Variants in ROBO2 observed in about 807,000 individuals in gnomAD.
ROBO2 encodes the protein roundabout homolog 2.
A neutral mutation model predicts 160.8 loss-of-function variants in ROBO2; 53 were observed. The observed-to-expected ratio is 0.33, with a 90% CI of 0.26 to 0.41. ROBO2 has a LOEUF of 0.41. Among genes scored for constraint, ROBO2 ranks in the 10% least tolerant of loss-of-function variants. The pLI, the probability that ROBO2 is intolerant of heterozygous loss-of-function variation, is 1.00. For missense variants in ROBO2, 1,577 were observed against 1,722.4 expected (o/e 0.92, Z 1.49); for synonymous variants, 664 against 611.7 (o/e 1.09, Z -1.26).
intron 1 of ROBO2, among the ~76,000 whole-genome samples, chr3:77,088,111 CTT>C (rs1246390286): frequency 6.6e-6 from 1 of 152,080 alleles, no homozygotes; most frequent in East Asian, 1.9e-4. Flanking sequence ...GTGATTAAGA[CTT>C]AGCTGATAAA....
intron 2 of ROBO2, among the ~76,000 whole-genome samples, chr3:76,162,385 C>A (rs1466380669): frequency 6.6e-6 from 1 of 152,116 alleles, no homozygotes; most frequent in Non-Finnish European, 1.5e-5. Flanking sequence ...TCATAGCCCA[C>A]TATAGGATCA....
intron 2 of ROBO2, among the ~76,000 whole-genome samples, chr3:76,880,858 A>C (rs142575334): frequency 6.6e-6 from 1 of 152,202 alleles, no homozygotes; most frequent in African/African-American, 2.4e-5. Context: ...ACTTTGTGAT[A>C]CTTTATTAAC....
chr3:76,189,045 A>G (rs181218937), intron 2 of ROBO2, among the ~76,000 whole-genome samples: 47 of 152,218 alleles, frequency 3.1e-4, no homozygotes, highest in Admixed American at 1.2e-3. Context: ...GATATGGTAG[A>G]AAACACATCA....
At chr3:76,808,724 A>C (rs2108956993) in intron 2 of ROBO2, among the ~76,000 whole-genome samples, 1 of 152,284 alleles carries the variant, frequency 6.6e-6, no homozygotes, top group Non-Finnish European at 1.5e-5. Context: ...AGAGAGCAGT[A>C]AATCAATGAC....
chr3:75,969,289 C>T (rs1196156771), intron 2 of ROBO2, among the ~76,000 whole-genome samples: 1 of 151,194 alleles, frequency 6.6e-6, no homozygotes, highest in East Asian at 2.0e-4. Context: ...ACAGATATAT[C>T]TTTCGTATAC....
At chr3:77,065,939 C>G (rs549760863) in intron 1 of ROBO2, among the ~76,000 whole-genome samples, 39 of 152,164 alleles carry the variant, frequency 2.6e-4, no homozygotes, top group African/African-American at 8.7e-4. Flanking sequence ...GCAAAATTGG[C>G]GTAATTGGCA....
At chr3:77,626,783 C>A (rs1265011397) in intron 23 of ROBO2, among the ~76,000 whole-genome samples, 1 of 152,136 alleles carries the variant, frequency 6.6e-6, no homozygotes, top group East Asian at 1.9e-4. Context: ...TTCAGTGAAA[C>A]AAGTAAAAAG....
rs1375302465 is a variant in ROBO2 at position 77,634,933 on chromosome 3, C to A, written c.3824C>A (p.Thr1275Asn). Residue 1275 changes from threonine to asparagine, a missense_variant, in exon 24 of 26, where the codon ACC (threonine) becomes AAC (asparagine). By Grantham distance (65) the Thr-to-Asn change is moderately conservative. Coordinates refer to ENST00000461745, the Ensembl canonical transcript of ROBO2. ...AGCCCATTTTCTACTGACAGTAACA[C>A]CAGTGCAGCCCTGAGTCAAAGTCAG... 17 of 1,614,006 alleles carry A rather than the reference C, an allele frequency of 1.1e-5. No homozygotes were observed. Among genetic ancestry groups the A allele is most frequent in the African/African-American group, 2.7e-5 (2 of 74,908 alleles).
intron 2 of ROBO2, among the ~76,000 whole-genome samples, chr3:76,308,589 TC>T (rs1418472603): frequency 6.6e-6 from 1 of 152,132 alleles, no homozygotes; most frequent in Non-Finnish European, 1.5e-5. Flanking sequence ...GGACTGCCTC[TC>T]CTCTTAGTCT....
At chr3:75,994,103 T>A (rs553326190) in intron 2 of ROBO2, among the ~76,000 whole-genome samples, 1 of 152,262 alleles carries the variant, frequency 6.6e-6, no homozygotes, top group East Asian at 1.9e-4. Context: ...AGTATAGGGC[T>A]CTGTGGGACT....
Position 77,503,523 on chromosome 3 carries a change from C to CTAAATAAA in ROBO2, c.806+10174_806+10181dup, listed in dbSNP as rs567091666. ...TGGGCCACAGAGAGAGAGTCCGTCT[C>CTAAATAAA]TAAATAAATAAATAAATAAATAAAT... On this transcript the variant is annotated intron_variant, in intron 5 of 25. Coordinates refer to ENST00000461745, the Ensembl canonical transcript of ROBO2. 1.7e-3 allele frequency among the ~76,000 whole-genome samples: 242 copies of CTAAATAAA among 144,552 alleles called. 1 individual carries two copies. The highest frequency in any genetic ancestry group is 4.2e-3 in the Admixed American group (60 of 14,412). The allele number at this position is 144,552 out of a possible 152,430, so 94.8% of individuals were successfully genotyped here. A position where few individuals can be genotyped will look rare whatever the true frequency, so the allele number is the denominator to read the frequency against.
At chr3:76,816,918 G>T (rs1175944732) in intron 2 of ROBO2, among the ~76,000 whole-genome samples, 2 of 152,228 alleles carry the variant, frequency 1.3e-5, no homozygotes, top group Non-Finnish European at 2.9e-5. Flanking sequence ...CATGTCATTT[G>T]CAGGGACATG....
At position 77,077,627 on chromosome 3, in the gene ROBO2, G is replaced by A. The variant is rs139589242; in HGVS notation, c.62-20387G>A. On this transcript the variant is annotated intron_variant, in intron 1 of 25. Transcript: ENST00000461745. ...AAAATGGAAGCTGGGACCTTGGTCC[G>A]TCGTCAACTGGACTCTCCAGTCTTG... Among the ~76,000 whole-genome samples the A allele has an allele frequency of 2.1e-3, 321 of 152,296 alleles. 1 individual carries two copies. Among genetic ancestry groups the A allele is most frequent in the African/African-American group, 7.6e-3 (314 of 41,558 alleles).
chr3:77,183,571 C>T (rs2081001408), intron 2 of ROBO2, among the ~76,000 whole-genome samples: 1 of 151,966 alleles, frequency 6.6e-6, no homozygotes, highest in South Asian at 2.1e-4. Flanking sequence ...TTAGAAAGAA[C>T]CAACCCTGCT....
chr3:77,444,071 C>T (rs1447067692), intron 2 of ROBO2, among the ~76,000 whole-genome samples: 1 of 152,104 alleles, frequency 6.6e-6, no homozygotes, highest in Non-Finnish European at 1.5e-5. Context: ...TTGTCCATGC[C>T]TTCATTTTTG....
intron 2 of ROBO2, among the ~76,000 whole-genome samples, chr3:76,178,020 C>T (rs1298537655): frequency 6.6e-6 from 1 of 152,142 alleles, no homozygotes; most frequent in Non-Finnish European, 1.5e-5. Context: ...TGCCTAACAA[C>T]AAGCAACATT....
chr3:77,409,583 A>C (rs2076535281), intron 2 of ROBO2, among the ~76,000 whole-genome samples: 1 of 152,090 alleles, frequency 6.6e-6, no homozygotes, highest in South Asian at 2.1e-4. Flanking sequence ...CGCCGGCTTT[A>C]TGAGGGTCCC....
intron 2 of ROBO2, among the ~76,000 whole-genome samples, chr3:76,782,024 G>C (rs1043655953): frequency 1.3e-5 from 2 of 150,482 alleles, no homozygotes; most frequent in Non-Finnish European, 3.0e-5. Context: ...TTTTGATTAC[G>C]GATTCAGTCT....
At chr3:77,448,363 C>G (rs2080779559) in intron 2 of ROBO2, among the ~76,000 whole-genome samples, 1 of 152,116 alleles carries the variant, frequency 6.6e-6, no homozygotes. Context: ...GTAAACAAGG[C>G]CACCTTTGGC....
Sources: gnomAD v4.1 joint callset for allele counts (sites outside exome capture counted in the v4.1 genomes callset) on GRCh38, gnomAD v4.1.1 for gene constraint, MANE v1.5 for transcripts, NCBI Gene and HGNC (gene_info 2026-07-23, HGNC 2026-07-21) for gene names.